Variants in CLDN11 observed in about 807,000 individuals in gnomAD.
CLDN11 encodes claudin 11, also known as claudin-11.
A neutral mutation model predicts 18.0 loss-of-function variants in CLDN11; 1 was observed. The ratio of observed to expected loss-of-function variants is 0.06; its 90% CI spans 0.02 to 0.26. The LOEUF is 0.26. Among genes scored for constraint, CLDN11 ranks in the 10% least tolerant of loss-of-function variants. The probability of loss-of-function intolerance (pLI) is 1.00; values close to 1 mark genes in which losing one functional copy is unlikely to be tolerated. For missense variants in CLDN11, 172 were observed against 276.6 expected (o/e 0.62, Z 2.68); for synonymous variants, 116 against 121.5 (o/e 0.96, Z 0.30).
At chr3:170,427,712 G>C (rs918211348) in intron 2 of CLDN11, among the ~76,000 whole-genome samples, 3 of 152,004 alleles carry the variant, frequency 2.0e-5, no homozygotes, top group Non-Finnish European at 4.4e-5. Context: ...AGGAGGCTGA[G>C]GCACGAGGAT....
At chr3:170,423,489 G>A in intron 2 of CLDN11, 162 bp downstream of exon 2, 3 of 688,190 alleles carry the variant, frequency 4.4e-6, no homozygotes, top group Non-Finnish European at 7.3e-6. Context: ...TATTTTATGG[G>A]CAGTTTACAC....
chr3:170,423,019 A>T, intron 1 of CLDN11, 144 bp from the exon 2 acceptor site: 1 of 821,522 alleles, frequency 1.2e-6, no homozygotes, highest in Non-Finnish European at 2.0e-6. Context: ...GTGCTTAGTG[A>T]CCTTGGACAA....
intron 2 of CLDN11, among the ~76,000 whole-genome samples, chr3:170,430,377 G>T (rs1419725976): frequency 1.3e-5 from 2 of 152,250 alleles, no homozygotes; most frequent in South Asian, 2.1e-4. Flanking sequence ...AGAAAGGGAG[G>T]TTTCACGTAC....
rs866387160 is a variant in CLDN11, at chr3:170,432,883, C to T, written c.*127C>T. The T allele has an allele frequency of 1.2e-6, 1 of 845,194 alleles. No homozygotes were observed. Among genetic ancestry groups the T allele is most frequent in the Admixed American group, 2.5e-5 (1 of 40,566 alleles). 52.4% of individuals were successfully genotyped at this position (845,194 alleles called of 1,614,324 possible). A position where few individuals can be genotyped will look rare whatever the true frequency, so the allele number is the denominator to read the frequency against. On this transcript the variant is annotated 3_prime_UTR_variant, in exon 3 of 3. Coordinates refer to ENST00000064724, the MANE Select transcript of CLDN11 (RefSeq NM_005602.6). Reference sequence around the variant, plus strand: ...AAAGCCAAAGGTCTAGAAAAGCATCCTGTCTGGCATTTTGTAGTCTTAACT... The same window carrying T: ...AAAGCCAAAGGTCTAGAAAAGCATCTTGTCTGGCATTTTGTAGTCTTAACT...
chr3:170,426,667 G>A (rs898583294), intron 2 of CLDN11, among the ~76,000 whole-genome samples: 5 of 152,198 alleles, frequency 3.3e-5, no homozygotes, highest in Admixed American at 6.5e-5. Context: ...ATAGGATCTG[G>A]CACATGGTAA....
chr3:170,424,760 G>A (rs1738805582), intron 2 of CLDN11, among the ~76,000 whole-genome samples: 1 of 152,134 alleles, frequency 6.6e-6, no homozygotes, highest in African/African-American at 2.4e-5. Context: ...AAGGGGTCAG[G>A]GTTCTGTGTG....
At chr3:170,422,065 G>T (rs917366537) in intron 1 of CLDN11, among the ~76,000 whole-genome samples, 2 of 152,200 alleles carry the variant, frequency 1.3e-5, no homozygotes, top group Non-Finnish European at 2.9e-5. Context: ...AGGATGCCCA[G>T]GGCACTGTGG....
rs1738652037 is a variant in CLDN11 at position 170,418,889 on chromosome 3, C to T, written c.-178C>T. ...CAGCAGCGCTGCTGTCCCCGCCGTG[C>T]GCCCTTCGCCGCTGAGCTCGCAGCC... On this transcript the variant is annotated 5_prime_UTR_variant, in exon 1 of 3. Transcript: ENST00000064724. The surrounding 1 kb of genome is among the most constrained non-coding windows in gnomAD (Gnocchi z 4.3). 2 of 558,200 alleles carry T rather than the reference C, an allele frequency of 3.6e-6. No homozygotes were observed. Among genetic ancestry groups the T allele is most frequent in the Non-Finnish European group, 3.2e-6 (1 of 315,676 alleles). 34.6% of individuals were successfully genotyped at this position (558,200 alleles called of 1,614,324 possible).
chr3:170,420,685 T>G (rs1738703442), intron 1 of CLDN11, among the ~76,000 whole-genome samples: 1 of 152,220 alleles, frequency 6.6e-6, no homozygotes, highest in Non-Finnish European at 1.5e-5. Flanking sequence ...AGTGCTTGCC[T>G]GGTTTGCCTT....
At chr3:170,422,213 A>G (rs1738741041) in intron 1 of CLDN11, among the ~76,000 whole-genome samples, 1 of 152,212 alleles carries the variant, frequency 6.6e-6, no homozygotes, top group Non-Finnish European at 1.5e-5. Context: ...ATGAAAGCAC[A>G]TGGTTAGGAG....
intron 2 of CLDN11, among the ~76,000 whole-genome samples, chr3:170,432,202 A>G (rs535529252): frequency 6.6e-6 from 1 of 152,392 alleles, no homozygotes; most frequent in East Asian, 1.9e-4. Context: ...TTTTAGAATT[A>G]TAACTGTAGA....
At chr3:170,430,729 A>G (rs1348313853) in intron 2 of CLDN11, among the ~76,000 whole-genome samples, 2 of 142,828 alleles carry the variant, frequency 1.4e-5, no homozygotes, top group Non-Finnish European at 3.2e-5. Flanking sequence ...ATTTTTTTGT[A>G]GAGATGGGGT....
rs781070610 is a variant in CLDN11 at position 170,423,155 on chromosome 3, G to C, written c.227-8G>C. On this transcript the variant is annotated splice_region_variant and splice_polypyrimidine_tract_variant and intron_variant, in intron 1 of 2. Transcript: ENST00000064724. Reference sequence around the variant, plus strand: ...TCTAACCTTTCCCATCTGCTCTCTTGTTCCCAGGCTACGTGCAGGCCTGCC... The same window carrying C: ...TCTAACCTTTCCCATCTGCTCTCTTCTTCCCAGGCTACGTGCAGGCCTGCC... The C allele has an allele frequency of 6.2e-7, 1 of 1,614,200 alleles. No individual in the cohort carries two copies. Among genetic ancestry groups the C allele is most frequent in the South Asian group, 1.1e-5 (1 of 91,082 alleles).
rs1739075165 is a variant in CLDN11 at position 170,434,029 on chromosome 3, TC to T, written c.*1275del. On this transcript the variant is annotated 3_prime_UTR_variant, in exon 3 of 3. Coordinates refer to ENST00000064724, the MANE Select transcript of CLDN11 (RefSeq NM_005602.6). ...TATCAGTATCTGAGACCCCAAACTC[TC>T]CAAATACTGATGGTGCATTTTATTC... The T allele has an allele frequency of 6.6e-6, 1 of 152,614 alleles. No individual in the cohort carries two copies. Among genetic ancestry groups the T allele is most frequent in the Non-Finnish European group, 1.5e-5 (1 of 68,040 alleles). The allele number at this position is 152,614 out of a possible 1,614,324, so 9.5% of individuals were successfully genotyped here. A position where few individuals can be genotyped will look rare whatever the true frequency, so the allele number is the denominator to read the frequency against.
In CLDN11 at chr3:170,419,609, G is replaced by T. The variant is rs1421001375; in HGVS notation, c.226+317G>T. 1.3e-5 allele frequency among the ~76,000 whole-genome samples: 2 copies of T among 152,216 alleles called. No homozygotes were observed. Among genetic ancestry groups the T allele is most frequent in the East Asian group, 1.9e-4 (1 of 5,188 alleles). ...GTGTTAATTACTGCGGTCCCAGCCC[G>T]CATCCTTCCACCGTCCGCTTCCCGA... On this transcript the variant is annotated intron_variant, in intron 1 of 2. Transcript: ENST00000064724. The surrounding 1 kb of genome is among the most constrained non-coding windows in gnomAD (Gnocchi z 8.6).
chr3:170,432,437 A>G (rs1184000452), intron 2 of CLDN11, 87 bp from the exon 3 acceptor site: 2 of 1,579,730 alleles, frequency 1.3e-6, no homozygotes, highest in African/African-American at 1.3e-5. Context: ...GGAAGCCACA[A>G]GTGTGTGTAT....
At chr3:170,427,360 A>G (rs1166669470) in intron 2 of CLDN11, among the ~76,000 whole-genome samples, 2 of 152,184 alleles carry the variant, frequency 1.3e-5, no homozygotes, top group African/African-American at 4.8e-5. Context: ...GGTGGCTCAC[A>G]CCTGTAATCA....
At chr3:170,424,930 TGTGTGTGTGTGC>T (rs914069835) in intron 2 of CLDN11, among the ~76,000 whole-genome samples, 5 of 47,186 alleles carry the variant, frequency 1.1e-4, no homozygotes, top group East Asian at 9.1e-4. Flanking sequence ...TGTGTGTGTG[TGTGTGTGTGTGC>T]GCGCGTGTGT....
In CLDN11 at chr3:170,419,114, G is replaced by A; in HGVS notation, c.48G>A (p.Val16=). The A allele has an allele frequency of 6.4e-7, 1 of 1,551,698 alleles. No homozygotes were observed. The change falls in exon 1 of 3, where the codon GTG becomes GTA. Residue 16 remains valine (V), a synonymous_variant. Transcript: ENST00000064724. This position sits in a 1 kb window ranked among gnomAD's most constrained non-coding sequence, Gnocchi z 8.6. The part of the protein sequence containing the change: ...LQVVGFVTSF[V]GWIGVIVTTS... ...TGGTGGGCTTCGTCACGAGCTTCGTGGGCTGGATCGGGGTCATCGTGACCA... is the reference window on the plus strand; with the variant it reads ...TGGTGGGCTTCGTCACGAGCTTCGTAGGCTGGATCGGGGTCATCGTGACCA...
Sources: allele counts gnomAD v4.1 joint callset (sites outside exome capture counted in the v4.1 genomes callset), GRCh38; gene constraint gnomAD v4.1.1; non-coding constraint Gnocchi (gnomAD v3.1); transcripts MANE v1.5; gene names NCBI Gene and HGNC (gene_info 2026-07-23, HGNC 2026-07-21).